Variants in MYO18B observed in about 807,000 individuals in gnomAD.
MYO18B encodes unconventional myosin-XVIIIb.
MYO18B carries 204 observed loss-of-function variants against 273.0 expected under a neutral mutation model. The observed-to-expected ratio is 0.75, with a 90% confidence interval of 0.67 to 0.84. The LOEUF (loss-of-function observed/expected upper bound fraction) is 0.84. Among genes scored for constraint, MYO18B ranks in the 40% least tolerant of loss-of-function variants. The probability of loss-of-function intolerance (pLI) is 0.00; values close to 1 mark genes in which losing one functional copy is unlikely to be tolerated. For synonymous variants in MYO18B, 1,330 were observed against 1,305.7 expected (o/e 1.02, Z -0.40); for missense variants, 3,212 against 3,287.6 (o/e 0.98, Z 0.56).
intron 1 of MYO18B, among the ~76,000 whole-genome samples, chr22:25,743,477 AGAG>A (rs1162764887): frequency 2.0e-5 from 3 of 152,092 alleles, no homozygotes; most frequent in Non-Finnish European, 4.4e-5. Flanking sequence ...AAAAGAAGGA[AGAG>A]GAGGAGGAGA....
intron 28 of MYO18B, 151 bp from the exon 29 acceptor site, chr22:25,898,156 C>G (rs918417505): frequency 1.3e-6 from 1 of 790,570 alleles, no homozygotes. Flanking sequence ...GGAGGTGACC[C>G]TGGAGGAAGG....
chr22:25,903,006 A>C (rs2091969062), intron 30 of MYO18B: 1 of 386,710 alleles, frequency 2.6e-6, no homozygotes, highest in Non-Finnish European at 4.8e-6. Context: ...TAACAGGCTC[A>C]GCAGAGAATG....
intron 12 of MYO18B, among the ~76,000 whole-genome samples, chr22:25,808,238 A>G (rs868806714): frequency 2.1e-4 from 32 of 152,132 alleles, no homozygotes; most frequent in African/African-American, 7.0e-4. Context: ...ATCAGACACA[A>G]TCCTCTTCCC....
At chr22:26,018,040 T>C (rs1237105539) in intron 42 of MYO18B, among the ~76,000 whole-genome samples, 1 of 144,546 alleles carries the variant, frequency 6.9e-6, no homozygotes, top group Non-Finnish European at 1.5e-5. Context: ...TGGGCAACTC[T>C]ATGCAAAAAT....
At chr22:25,932,420 TTCTTTGAGACACAG>T (rs2092518255) in intron 34 of MYO18B, among the ~76,000 whole-genome samples, 6 of 147,244 alleles carry the variant, frequency 4.1e-5, no homozygotes, top group Admixed American at 6.8e-5. Flanking sequence ...TCTTTTTTTT[TTCTTTGAGACACAG>T]TTTTGCTCTT....
intron 27 of MYO18B, among the ~76,000 whole-genome samples, chr22:25,891,728 A>T (rs1452829206): frequency 6.6e-6 from 1 of 152,228 alleles, no homozygotes; most frequent in African/African-American, 2.4e-5. Context: ...TGAATATTTT[A>T]AAAATAAATT....
intron 39 of MYO18B, among the ~76,000 whole-genome samples, chr22:25,965,952 C>G (rs2092973205): frequency 6.6e-6 from 1 of 152,200 alleles, no homozygotes; most frequent in African/African-American, 2.4e-5. Context: ...GGCTCTTAAT[C>G]AAGTCTCATC....
chr22:26,017,962 G>GTTTTT (rs1339313323), intron 42 of MYO18B, among the ~76,000 whole-genome samples: 1 of 117,566 alleles, frequency 8.5e-6, no homozygotes, highest in Non-Finnish European at 1.7e-5. Flanking sequence ...CAATTTTACT[G>GTTTTT]TTTTGTTTTT....
intron 17 of MYO18B, among the ~76,000 whole-genome samples, chr22:25,841,491 C>A (rs180805133): frequency 6.6e-6 from 1 of 152,312 alleles, no homozygotes; most frequent in Admixed American, 6.5e-5. Context: ...GGACACCATC[C>A]TGGACAGAGG....
intron 39 of MYO18B, among the ~76,000 whole-genome samples, chr22:25,960,198 C>T (rs1317444419): frequency 1.3e-5 from 2 of 152,136 alleles, no homozygotes; most frequent in East Asian, 3.9e-4. Flanking sequence ...CTGGAGACTC[C>T]AGGAGCCATT....
Position 26,026,535 on chromosome 22 carries a change from A to G in MYO18B, c.6561A>G (p.Ser2187=). 6.2e-7 allele frequency: 1 copy of G among 1,613,936 alleles called. No homozygotes were observed. The highest frequency in any genetic ancestry group is 1.1e-5 in the South Asian group (1 of 91,066). Residue 2187 remains serine (S), a synonymous_variant, in exon 43 of 44, where the codon TCA becomes TCG. Coordinates refer to ENST00000335473, the MANE Select transcript of MYO18B (RefSeq NM_032608.7). ...CCACCAATGTCCACAGCAAGACCTCAGGAGACAAGCCTGTTTCTCCCCACT... is the reference window on the plus strand; with the variant it reads ...CCACCAATGTCCACAGCAAGACCTCGGGAGACAAGCCTGTTTCTCCCCACT... ...ARSTNVHSKT[S]GDKPVSPHFV...
rs2146278126 is a variant in MYO18B at position 25,890,774 on chromosome 22, G to C, written c.4333G>C (p.Asp1445His). Residue 1445 changes from aspartate to histidine, a missense_variant, in exon 26 of 44, where the codon GAC (aspartate) becomes CAC (histidine). Coordinates refer to ENST00000335473, the MANE Select transcript of MYO18B (RefSeq NM_032608.7). ...ATCTCAGATTGCTGACTTGACCTCT[G>C]ACCTTGCCGATGAGCGCTTCAAAGG... ...LESKIADLTSDLADERFKGDV... is the reference protein window; with the variant it reads ...LESKIADLTSHLADERFKGDV... 1.9e-6 allele frequency: 3 copies of C among 1,613,926 alleles called. No individual in the cohort carries two copies. In the East Asian group the frequency reaches 6.7e-5, roughly 36 times the overall value.
rs1180836452 is a variant in MYO18B at position 26,027,409 on chromosome 22, G to T, written c.7435G>T (p.Glu2479Ter). The T allele has an allele frequency of 1.2e-6, 2 of 1,614,012 alleles. No individual in the cohort carries two copies. The highest frequency in any genetic ancestry group is 3.3e-5 in the Admixed American group (2 of 60,030). ...QRSSIHFETE[E>*]ANRSFLSGIK... ...TTCAAGCATCCACTTTGAAACGGAA[G>T]AGGCTAACCGTTCCTTTCTCTCGGG... Residue 2479 changes from glutamate to a stop codon, truncating the protein, a stop_gained, in exon 43 of 44, where the codon GAG becomes TAG. Coordinates refer to ENST00000335473, the MANE Select transcript of MYO18B (RefSeq NM_032608.7). LOFTEE classifies it low-confidence loss of function (END_TRUNC). This position sits in a 1 kb window ranked among gnomAD's most constrained non-coding sequence, Gnocchi z 4.1.
At chr22:25,862,838 T>G (rs931957480) in intron 21 of MYO18B, among the ~76,000 whole-genome samples, 3 of 140,774 alleles carry the variant, frequency 2.1e-5, no homozygotes, top group Non-Finnish European at 4.5e-5. Flanking sequence ...ATGCATAGAC[T>G]TTTTTTTTGG....
At position 26,030,984 on chromosome 22, in the gene MYO18B, CTGATGAA is replaced by C; in HGVS notation, c.*565_*571del. On this transcript the variant is annotated 3_prime_UTR_variant, in exon 44 of 44. Coordinates refer to ENST00000335473, the MANE Select transcript of MYO18B (RefSeq NM_032608.7). The stretch of plus-strand genomic sequence containing the variant: ...TAAGTGTGTACAAGCATTCAAGAAA[CTGATGAA>C]TGATGAATGAATGAATGAGCCAAAG... 2 of 398,518 alleles carry C rather than the reference CTGATGAA, an allele frequency of 5.0e-6. No homozygotes were observed. Among genetic ancestry groups the C allele is most frequent in the Non-Finnish European group, 8.8e-6 (2 of 226,048 alleles). The allele number at this position is 398,518 out of a possible 1,614,324, so 24.7% of individuals were successfully genotyped here.
At chr22:25,811,162 C>T (rs909607503) in intron 12 of MYO18B, among the ~76,000 whole-genome samples, 25 of 150,942 alleles carry the variant, frequency 1.7e-4, no homozygotes, top group African/African-American at 4.9e-4. Context: ...TACAGGTGGC[C>T]GCCACTGTGC....
intron 12 of MYO18B, among the ~76,000 whole-genome samples, chr22:25,804,474 G>T (rs5761220): frequency 3.3e-5 from 5 of 152,278 alleles, no homozygotes; most frequent in Non-Finnish European, 5.9e-5. Context: ...TGTGACGTGC[G>T]CAAGGGCACA....
chr22:25,890,894 C>T lies in MYO18B; in HGVS notation c.4434+19C>T, dbSNP rs201514817. 1 of 1,499,278 alleles carries T rather than the reference C, an allele frequency of 6.7e-7. No homozygotes were observed. The highest frequency in any genetic ancestry group is 9.2e-7 in the Non-Finnish European group (1 of 1,090,932). 92.9% of individuals were successfully genotyped at this position (1,499,278 alleles called of 1,614,324 possible). ...GCTCAAGGTGAGTGGTCAGGGGTGGCCAGGGGTGGCTGAACACGGTGGCTA... is the reference window on the plus strand; with the variant it reads ...GCTCAAGGTGAGTGGTCAGGGGTGGTCAGGGGTGGCTGAACACGGTGGCTA... On this transcript the variant is annotated intron_variant, in intron 26 of 43. Transcript: ENST00000335473.
At chr22:25,885,705 A>G (rs977916326) in intron 25 of MYO18B, among the ~76,000 whole-genome samples, 2 of 152,102 alleles carry the variant, frequency 1.3e-5, no homozygotes, top group Non-Finnish European at 2.9e-5. Context: ...GACATTTTCA[A>G]AAAGAGGTAT....
Sources: gnomAD v4.1 joint callset for allele counts (sites outside exome capture counted in the v4.1 genomes callset) on GRCh38, gnomAD v4.1.1 for gene constraint, Gnocchi (gnomAD v3.1) non-coding constraint, MANE v1.5 for transcripts, NCBI Gene and HGNC (gene_info 2026-07-23, HGNC 2026-07-21) for gene names.